Variants in ST6GALNAC3 observed in about 807,000 individuals in gnomAD.
The protein encoded by ST6GALNAC3 is alpha-N-acetylgalactosaminide alpha-2,6-sialyltransferase 3.
A neutral mutation model predicts 32.7 loss-of-function variants in ST6GALNAC3; 25 were observed. That is an observed-to-expected ratio of 0.76 (90% CI 0.56 to 1.07). The LOEUF is 1.07. Among genes scored for constraint, ST6GALNAC3 ranks in the 50% least tolerant of loss-of-function variants. The probability of loss-of-function intolerance (pLI) is 0.00; values close to 1 mark genes in which losing one functional copy is unlikely to be tolerated. For missense variants in ST6GALNAC3, 355 were observed against 382.4 expected (o/e 0.93, Z 0.60); for synonymous variants, 129 against 133.1 (o/e 0.97, Z 0.21).
intron 1 of ST6GALNAC3, among the ~76,000 whole-genome samples, chr1:76,222,090 G>A (rs1312927078): frequency 6.6e-6 from 1 of 152,064 alleles, no homozygotes; most frequent in East Asian, 1.9e-4. Context: ...TTCCATTTTT[G>A]ATTGTAGTGA....
chr1:76,210,505 C>G (rs1655092914), intron 1 of ST6GALNAC3, among the ~76,000 whole-genome samples: 1 of 152,132 alleles, frequency 6.6e-6, no homozygotes, highest in Non-Finnish European at 1.5e-5. Context: ...TAATATGATT[C>G]TTTTTGTATC....
intron 1 of ST6GALNAC3, among the ~76,000 whole-genome samples, chr1:76,305,638 A>G (rs1661002958): frequency 6.6e-6 from 1 of 152,166 alleles, no homozygotes; most frequent in African/African-American, 2.4e-5. Flanking sequence ...ACCAGCAGAT[A>G]TTAAATTATC....
intron 3 of ST6GALNAC3, among the ~76,000 whole-genome samples, chr1:76,413,786 G>A (rs1654434453): frequency 1.3e-5 from 2 of 152,224 alleles, no homozygotes; most frequent in Admixed American, 6.5e-5. Flanking sequence ...AAAGGGATAG[G>A]TATGGTGCTT....
intron 2 of ST6GALNAC3, among the ~76,000 whole-genome samples, chr1:76,352,131 T>C (rs1291904248): frequency 2.6e-5 from 4 of 152,238 alleles, no homozygotes; most frequent in Non-Finnish European, 4.4e-5. Context: ...AAAAATGTTA[T>C]AATGCTGTTT....
chr1:76,446,917 T>C (rs1467227215), intron 3 of ST6GALNAC3, among the ~76,000 whole-genome samples: 2 of 152,084 alleles, frequency 1.3e-5, no homozygotes, highest in Admixed American at 6.6e-5. Context: ...TTATCAGCAA[T>C]GTGAAAATGA....
intron 1 of ST6GALNAC3, among the ~76,000 whole-genome samples, chr1:76,247,237 G>C (rs1304541782): frequency 6.6e-6 from 1 of 152,130 alleles, no homozygotes; most frequent in Non-Finnish European, 1.5e-5. Context: ...GGTTTCTATC[G>C]ACCCCTGTCA....
At chr1:76,181,452 C>T (rs7514776) in intron 1 of ST6GALNAC3, among the ~76,000 whole-genome samples, 29,899 of 151,916 alleles carry the variant, frequency 0.2, 3,064 homozygotes, top group African/African-American at 0.22. Flanking sequence ...GTAAATTTTC[C>T]CATTGTTCTT....
intron 1 of ST6GALNAC3, among the ~76,000 whole-genome samples, chr1:76,177,838 A>G (rs564979315): frequency 6.6e-6 from 1 of 152,330 alleles, no homozygotes; most frequent in African/African-American, 2.4e-5. Context: ...TTTCTAGCCC[A>G]GCCGTGCTCC....
intron 2 of ST6GALNAC3, among the ~76,000 whole-genome samples, chr1:76,318,657 G>A (rs1016988615): frequency 6.6e-5 from 10 of 152,074 alleles, no homozygotes; most frequent in African/African-American, 2.4e-4. Context: ...TAGCATTATG[G>A]CAGAATTACT....
intron 1 of ST6GALNAC3, among the ~76,000 whole-genome samples, chr1:76,153,231 T>C (rs1376018197): frequency 2.6e-5 from 4 of 152,200 alleles, no homozygotes; most frequent in African/African-American, 9.7e-5. Flanking sequence ...TGTGAATTTT[T>C]TTTCCCCTAT....
intron 1 of ST6GALNAC3, among the ~76,000 whole-genome samples, chr1:76,097,487 C>T (rs1169945014): frequency 6.6e-6 from 1 of 152,132 alleles, no homozygotes; most frequent in Non-Finnish European, 1.5e-5. Context: ...GCTTGCTCCC[C>T]CTTCTGCCAT....
chr1:76,107,980 G>A (rs1647655440), intron 1 of ST6GALNAC3, among the ~76,000 whole-genome samples: 1 of 152,118 alleles, frequency 6.6e-6, no homozygotes, highest in Middle Eastern at 3.2e-3. Context: ...TCAAAATTAG[G>A]GAAAAGAGCT....
intron 3 of ST6GALNAC3, among the ~76,000 whole-genome samples, chr1:76,548,781 C>T (rs1201840928): frequency 6.6e-6 from 1 of 152,132 alleles, no homozygotes; most frequent in East Asian, 1.9e-4. Flanking sequence ...CCTCTCCTAC[C>T]CCCCATTTAC....
chr1:76,520,504 T>TA (rs1662456952), intron 3 of ST6GALNAC3, among the ~76,000 whole-genome samples: 1 of 151,692 alleles, frequency 6.6e-6, no homozygotes, highest in African/African-American at 2.4e-5. Context: ...ACACACACAA[T>TA]AATAAACATA....
intron 1 of ST6GALNAC3, among the ~76,000 whole-genome samples, chr1:76,280,203 C>T (rs1659419745): frequency 6.6e-6 from 1 of 152,048 alleles, no homozygotes; most frequent in Non-Finnish European, 1.5e-5. Context: ...TTAGTGATTG[C>T]CTAAGTGGAA....
chr1:76,112,214 C>T lies in ST6GALNAC3; in HGVS notation c.18+37330C>T, dbSNP rs571973794. Among the ~76,000 whole-genome samples the T allele has an allele frequency of 5.4e-3, 769 of 142,216 alleles. 13 individuals are homozygous for T. Among genetic ancestry groups the T allele is most frequent in the African/African-American group, 0.019 (711 of 37,094 alleles). 93.3% of individuals were successfully genotyped at this position (142,216 alleles called of 152,430 possible). A position where few individuals can be genotyped will look rare whatever the true frequency, so the allele number is the denominator to read the frequency against. On this transcript the variant is annotated intron_variant, in intron 1 of 4. Transcript: ENST00000328299. ...GGCCGGGCAGAGGCGCCCCTCACCT[C>T]CCGGACGGGGCGGCTGGCCGGGCGG...
intron 3 of ST6GALNAC3, among the ~76,000 whole-genome samples, chr1:76,556,305 T>C (rs1052266465): frequency 3.3e-5 from 5 of 152,158 alleles, no homozygotes; most frequent in African/African-American, 9.7e-5. Context: ...GGGTTGTCAC[T>C]TTTTGGCCAT....
At chr1:76,480,681 C>G (rs1341443876) in intron 3 of ST6GALNAC3, among the ~76,000 whole-genome samples, 2 of 152,022 alleles carry the variant, frequency 1.3e-5, no homozygotes, top group African/African-American at 4.8e-5. Context: ...TTTGAACTCT[C>G]TTTTAGCAGT....
chr1:76,138,906 A>G (rs1355585332), intron 1 of ST6GALNAC3, among the ~76,000 whole-genome samples: 5 of 152,246 alleles, frequency 3.3e-5, no homozygotes, highest in Admixed American at 2.6e-4. Flanking sequence ...AAAAAAATCT[A>G]TGCACTGGCC....
Sources: allele counts gnomAD v4.1 joint callset (sites outside exome capture counted in the v4.1 genomes callset), GRCh38; gene constraint gnomAD v4.1.1; transcripts MANE v1.5; gene names NCBI Gene and HGNC (gene_info 2026-07-23, HGNC 2026-07-21).